The following PTPRD variants were observed in gnomAD, a reference collection of about 807,000 sequenced individuals.
PTPRD encodes the protein protein tyrosine phosphatase receptor type D.
A neutral mutation model predicts 214.5 loss-of-function variants in PTPRD; 34 were observed. The observed-to-expected ratio is 0.16, with a 90% CI of 0.12 to 0.21. PTPRD has a LOEUF of 0.21. PTPRD is among the 10% of genes least tolerant of loss of function. PTPRD has a pLI of 1.00. For missense variants in PTPRD, 2,545 were observed against 2,398.7 expected, an observed-to-expected ratio of 1.06 and a Z score of -1.27; for synonymous variants, 1,128 against 845.7, an observed-to-expected ratio of 1.33 and a Z score of -5.79.
At chr9:9,089,232 G>A (rs181454869) in intron 10 of PTPRD, among the ~76,000 whole-genome samples, 14 of 152,226 alleles carry the variant, frequency 9.2e-5, no homozygotes, top group African/African-American at 2.9e-4. Context: ...TAAATGTTTA[G>A]AGAATAAATA....
At chr9:10,213,000 T>C (rs2099524176) in intron 3 of PTPRD, among the ~76,000 whole-genome samples, 1 of 152,170 alleles carries the variant, frequency 6.6e-6, no homozygotes, top group Admixed American at 6.6e-5. Context: ...TTCTAATAGT[T>C]ACCCTTGTAT....
chr9:8,529,145 C>T (rs1031497020), intron 14 of PTPRD, among the ~76,000 whole-genome samples: 2 of 151,754 alleles, frequency 1.3e-5, no homozygotes, highest in African/African-American at 4.8e-5. Context: ...GGCCAAGTCA[C>T]AAAAAGGGGA....
intron 3 of PTPRD, among the ~76,000 whole-genome samples, chr9:10,155,780 C>T (rs962867889): frequency 6.6e-6 from 1 of 152,062 alleles, no homozygotes; most frequent in Non-Finnish European, 1.5e-5. Flanking sequence ...AATCTTGCAT[C>T]CCAGAGATAA....
chr9:9,742,672 G>T (rs949769923), intron 6 of PTPRD, among the ~76,000 whole-genome samples: 1 of 151,702 alleles, frequency 6.6e-6, no homozygotes. Flanking sequence ...CAAAAAACAT[G>T]GTATGTTCCT....
At chr9:8,592,190 G>A (rs2094155703) in intron 14 of PTPRD, among the ~76,000 whole-genome samples, 1 of 152,074 alleles carries the variant, frequency 6.6e-6, no homozygotes, top group Non-Finnish European at 1.5e-5. Flanking sequence ...AACCCTTTCA[G>A]CTAAACTCAA....
At chr9:9,450,598 G>A (rs1393583678) in intron 8 of PTPRD, among the ~76,000 whole-genome samples, 2 of 151,824 alleles carry the variant, frequency 1.3e-5, no homozygotes, top group Non-Finnish European at 1.5e-5. Flanking sequence ...TCATAGATAT[G>A]AATATTCTGA....
At chr9:9,654,237 T>C (rs1026948793) in intron 7 of PTPRD, among the ~76,000 whole-genome samples, 3 of 152,172 alleles carry the variant, frequency 2.0e-5, no homozygotes, top group African/African-American at 7.2e-5. Context: ...TTAATATCTT[T>C]AGTAAGAGTG....
chr9:10,162,404 G>A (rs971368863), intron 3 of PTPRD, among the ~76,000 whole-genome samples: 1 of 151,138 alleles, frequency 6.6e-6, no homozygotes. Flanking sequence ...CAATATTAAT[G>A]AAACTGTATA....
At chr9:9,043,615 A>C (rs1002147886) in intron 10 of PTPRD, among the ~76,000 whole-genome samples, 11 of 152,122 alleles carry the variant, frequency 7.2e-5, no homozygotes, top group African/African-American at 2.7e-4. Flanking sequence ...AGTAAGTAGA[A>C]AAACTAGGCT....
At chr9:8,453,893 T>C (rs1298565467) in intron 33 of PTPRD, among the ~76,000 whole-genome samples, 2 of 152,118 alleles carry the variant, frequency 1.3e-5, no homozygotes, top group East Asian at 1.9e-4. Context: ...GGGAGAAAGG[T>C]AGGTGATCTT....
intron 7 of PTPRD, among the ~76,000 whole-genome samples, chr9:9,613,131 CATACATATAT>C (rs142564029): frequency 0.11 from 4,415 of 40,894 alleles, 327 homozygotes; most frequent in Middle Eastern, 0.33. Flanking sequence ...AGTATACATA[CATACATATAT>C]ATATATATAT....
chr9:9,150,357 A>T (rs1406896414), intron 10 of PTPRD, among the ~76,000 whole-genome samples: 1 of 150,984 alleles, frequency 6.6e-6, no homozygotes, highest in African/African-American at 2.4e-5. Flanking sequence ...AGTGATAAAT[A>T]GTATAAGCAC....
At chr9:9,743,148 C>G (rs940593923) in intron 6 of PTPRD, among the ~76,000 whole-genome samples, 2 of 151,768 alleles carry the variant, frequency 1.3e-5, no homozygotes, top group East Asian at 1.9e-4. Context: ...CATAGGCTCT[C>G]AGACAGTGTT....
chr9:9,322,833 G>A (rs567599691), intron 9 of PTPRD, among the ~76,000 whole-genome samples: 2 of 152,158 alleles, frequency 1.3e-5, no homozygotes, highest in Non-Finnish European at 2.9e-5. Context: ...AAGCATGTAA[G>A]AGTGAGTCAT....
chr9:10,596,324 T>C (rs2076619649), intron 2 of PTPRD, among the ~76,000 whole-genome samples: 1 of 151,702 alleles, frequency 6.6e-6, no homozygotes, highest in African/African-American at 2.4e-5. Flanking sequence ...ATTTTATGTC[T>C]ATAGTAACAT....
In PTPRD at chr9:9,404,395, T is replaced by C. The variant is rs181131201; in HGVS notation, c.-236-6913A>G. On this transcript the variant is annotated intron_variant, in intron 8 of 45. Coordinates refer to ENST00000381196, the MANE Select transcript of PTPRD (RefSeq NM_002839.4). ...ATGGAGAAAACTGGAGAGATTGGTA[T>C]AGATCTGGAATATATTTTGAAGGTG... is the stretch of plus-strand genomic sequence containing the variant. Among the ~76,000 whole-genome samples, 208 of 152,182 alleles carry C rather than the reference T, an allele frequency of 1.4e-3. 2 individuals are homozygous for C. The highest frequency in any genetic ancestry group is 4.8e-3 in the African/African-American group (199 of 41,556).
intron 10 of PTPRD, among the ~76,000 whole-genome samples, chr9:9,033,189 T>C (rs1323309371): frequency 1.3e-5 from 2 of 152,152 alleles, no homozygotes; most frequent in Admixed American, 6.6e-5. Context: ...AATTTGGCAG[T>C]AATCATATCA....
At chr9:8,454,789 G>A (rs2096115809) in intron 33 of PTPRD, among the ~76,000 whole-genome samples, 1 of 149,690 alleles carries the variant, frequency 6.7e-6, no homozygotes, top group South Asian at 2.1e-4. Flanking sequence ...CAGAGGACAT[G>A]AAGTTACATC....
At chr9:8,778,813 AAAT>A (rs1358668268) in intron 11 of PTPRD, among the ~76,000 whole-genome samples, 1 of 152,210 alleles carries the variant, frequency 6.6e-6, no homozygotes, top group Non-Finnish European at 1.5e-5. Flanking sequence ...ATAAAAATGG[AAAT>A]AATATCATAC....
Sources: allele counts gnomAD v4.1 joint callset (sites outside exome capture counted in the v4.1 genomes callset), GRCh38; gene constraint gnomAD v4.1.1; transcripts MANE v1.5; gene names NCBI Gene and HGNC (gene_info 2026-07-23, HGNC 2026-07-21).